LRP1: variants seen among roughly 807,000 people sequenced by gnomAD.
LRP1 encodes the protein prolow-density lipoprotein receptor-related protein 1.
LRP1 carries 51 observed loss-of-function variants against 541.5 expected under a neutral mutation model. The ratio of observed to expected loss-of-function variants is 0.09; its 90% CI spans 0.08 to 0.12. The LOEUF (loss-of-function observed/expected upper bound fraction) is 0.12, where lower values mean the gene tolerates loss of function less well. Ranked by LOEUF, LRP1 falls within the 10% of genes least tolerant of loss-of-function variation. The pLI, the probability that LRP1 is intolerant of heterozygous loss-of-function variation, is 1.00. For synonymous variants in LRP1, 2,219 were observed against 2,470.8 expected, an observed-to-expected ratio of 0.90 and a Z score of 3.02; for missense variants, 3,878 against 6,376.2, an observed-to-expected ratio of 0.61 and a Z score of 13.34.
rs1258317868 is a variant in LRP1, at chr12:57,212,469, A to T, written c.13549A>T (p.Ser4517Cys). ...YATLYMGGHG[S>C]RHSLASTDEK... is the part of the protein sequence containing the mutation. ...CACACTCTACATGGGGGGCCATGGC[A>T]GTCGCCACTCCCTGGCCAGCACGGA... Residue 4517 changes from serine (S) to cysteine (C), a missense_variant, in exon 89 of 89, where the codon AGT becomes TGT. By Grantham distance (112) the Ser-to-Cys change is moderately radical. Around this residue, in one of 13 missense-constraint regions of LRP1, gnomAD observed 871 missense variants for 1,212.4 expected, o/e 0.72. Transcript: ENST00000243077. The surrounding 1 kb of genome is among the most constrained non-coding windows in gnomAD (Gnocchi z 5.0). 6.2e-7 allele frequency: 1 copy of T among 1,613,978 alleles called. No homozygotes were observed. The highest frequency in any genetic ancestry group is 1.3e-5 in the African/African-American group (1 of 74,914).
chr12:57,136,387 T>A (rs1467412111), intron 1 of LRP1, among the ~76,000 whole-genome samples: 2 of 111,240 alleles, frequency 1.8e-5, no homozygotes, highest in African/African-American at 6.8e-5. Flanking sequence ...ACTCCCTCCC[T>A]CCTAAGAGCC....
In LRP1 at chr12:57,189,102, A is replaced by C. The variant is rs1352268497; in HGVS notation, c.7031+1646A>C. 6.6e-6 allele frequency among the ~76,000 whole-genome samples: 1 copy of C among 152,030 alleles called. No individual in the cohort carries two copies. Among genetic ancestry groups the C allele is most frequent in the African/African-American group, 2.4e-5 (1 of 41,428 alleles). On this transcript the variant is annotated intron_variant, in intron 42 of 88. Transcript: ENST00000243077. This position sits in a 1 kb window ranked among gnomAD's most constrained non-coding sequence, Gnocchi z 4.4. Reference sequence around the variant, plus strand: ...GGCCCTGTAGAGCTCACAGTAGGATAGTTAGAAGGTCCGCCATGTTCCTGG... The same window carrying C: ...GGCCCTGTAGAGCTCACAGTAGGATCGTTAGAAGGTCCGCCATGTTCCTGG...
At position 57,206,612 on chromosome 12, in the gene LRP1, G is replaced by A; in HGVS notation, c.11730G>A (p.Lys3910=). The change falls in exon 76 of 89, where the codon AAG becomes AAA. Residue 3910 remains lysine (K), a synonymous_variant. Transcript: ENST00000243077. The surrounding 1 kb of genome is among the most constrained non-coding windows in gnomAD (Gnocchi z 4.7). ...TTGATGCTATGGATGTCCATGTCAAGGCTGGCCGTGTCTATTGGACCAACT... is the reference window on the plus strand; with the variant it reads ...TTGATGCTATGGATGTCCATGTCAAAGCTGGCCGTGTCTATTGGACCAACT... ...VRIDAMDVHV[K]AGRVYWTNWH... is the part of the protein sequence containing the mutation. 1.2e-6 allele frequency: 2 copies of A among 1,614,178 alleles called. No homozygotes were observed. The highest frequency in any genetic ancestry group is 1.7e-6 in the Non-Finnish European group (2 of 1,180,050).
rs1283231788 is a variant in LRP1, at chr12:57,205,207, G to A, written c.11293G>A (p.Asp3765Asn). The change falls in exon 73 of 89, where the codon GAT becomes AAT. Residue 3765 changes from aspartate to asparagine, a missense_variant. Transcript: ENST00000243077. This position sits in a 1 kb window ranked among gnomAD's most constrained non-coding sequence, Gnocchi z 4.6. ...LSSSLRCNMF[D>N]DCGDGSDEED... ...CTCCTCCCTGCGCTGCAACATGTTC[G>A]ATGACTGCGGGGACGGCTCTGACGA... 5.6e-6 allele frequency: 9 copies of A among 1,613,756 alleles called. No individual in the cohort carries two copies. Among genetic ancestry groups the A allele is most frequent in the South Asian group, 2.2e-5 (2 of 91,092 alleles).
At chr12:57,163,450 G>T (rs547155486) in intron 15 of LRP1, among the ~76,000 whole-genome samples, 14 of 152,046 alleles carry the variant, frequency 9.2e-5, no homozygotes, top group African/African-American at 3.1e-4. Flanking sequence ...GTGGTGGCAG[G>T]TGCCTGTAAT....
rs1391396491 is a variant in LRP1, at chr12:57,154,592, C to T, written c.1118C>T (p.Thr373Met). The T allele has an allele frequency of 1.2e-6, 2 of 1,613,242 alleles. No homozygotes were observed. Among genetic ancestry groups the T allele is most frequent in the Non-Finnish European group, 1.7e-6 (2 of 1,179,596 alleles). ...DSKIVFPHGI[T>M]LDLVSRLVYW... is the part of the protein sequence containing the mutation. ...AAGATTGTGTTTCCTCATGGCATCACGCTGGACCTGGTCAGCCGCCTTGTC... is the reference window on the plus strand; with the variant it reads ...AAGATTGTGTTTCCTCATGGCATCATGCTGGACCTGGTCAGCCGCCTTGTC... Residue 373 changes from threonine (T) to methionine (M), a missense_variant, in exon 8 of 89, where the codon ACG becomes ATG. Around this residue, in one of 13 missense-constraint regions of LRP1, gnomAD observed 496 missense variants for 861.0 expected, o/e 0.58. Coordinates refer to ENST00000243077, the MANE Select transcript of LRP1 (RefSeq NM_002332.3). The surrounding 1 kb of genome is among the most constrained non-coding windows in gnomAD (Gnocchi z 4.6).
intron 34 of LRP1, 104 bp downstream of exon 34, chr12:57,181,395 A>C: frequency 7.1e-7 from 1 of 1,404,818 alleles, no homozygotes; most frequent in Non-Finnish European, 9.6e-7. Context: ...ACAAGACTAC[A>C]TTCGTCGTGT....
chr12:57,182,962 CAAAGAGG>C (rs377192596), intron 34 of LRP1, among the ~76,000 whole-genome samples: 261 of 152,264 alleles, frequency 1.7e-3, no homozygotes, highest in African/African-American at 6.1e-3. Flanking sequence ...AGAGGGAGGA[CAAAGAGG>C]AAACTAGGAT....
chr12:57,180,494 G>T lies in LRP1; in HGVS notation c.5386+15G>T. 6.2e-7 allele frequency: 1 copy of T among 1,613,664 alleles called. No individual in the cohort carries two copies. Among genetic ancestry groups the T allele is most frequent in the Admixed American group, 1.7e-5 (1 of 60,018 alleles). Reference sequence around the variant, plus strand: ...GGCCATCATGGGTGAGGGCTGCTGGGCGAAGCAGAGATGACGCAGAGCAGG... The same window carrying T: ...GGCCATCATGGGTGAGGGCTGCTGGTCGAAGCAGAGATGACGCAGAGCAGG... On this transcript the variant is annotated intron_variant, in intron 32 of 88. Coordinates refer to ENST00000243077, the MANE Select transcript of LRP1 (RefSeq NM_002332.3).
chr12:57,138,251 G>A (rs1172865161), intron 1 of LRP1, among the ~76,000 whole-genome samples: 1 of 151,926 alleles, frequency 6.6e-6, no homozygotes, highest in African/African-American at 2.4e-5. Context: ...ATGTGCTTCT[G>A]GATCCTCCCC....
intron 6 of LRP1, among the ~76,000 whole-genome samples, chr12:57,153,391 G>A (rs151144317): frequency 6.6e-6 from 1 of 152,212 alleles, no homozygotes; most frequent in African/African-American, 2.4e-5. Context: ...CTGAAACTGA[G>A]TCTAGGCAGC....
In LRP1 at chr12:57,195,655, C is replaced by T. The variant is rs765675673; in HGVS notation, c.8438-3C>T. On this transcript the variant is annotated splice_polypyrimidine_tract_variant and splice_region_variant and intron_variant, in intron 52 of 88. Coordinates refer to ENST00000243077, the MANE Select transcript of LRP1 (RefSeq NM_002332.3). The stretch of plus-strand genomic sequence containing the variant: ...GAAGGGCTGTGTCCACCTCTGTCCA[C>T]AGTGTACAACAGCACTTGTGACGAC... 6.2e-7 allele frequency: 1 copy of T among 1,613,974 alleles called. No homozygotes were observed. The highest frequency in any genetic ancestry group is 8.5e-7 in the Non-Finnish European group (1 of 1,180,028).
At chr12:57,157,885 A>T (rs1038037834) in intron 10 of LRP1, among the ~76,000 whole-genome samples, 1 of 152,228 alleles carries the variant, frequency 6.6e-6, no homozygotes, top group Non-Finnish European at 1.5e-5. Flanking sequence ...GGATTTTATT[A>T]TATCTGGGAT....
chr12:57,137,241 CAA>C (rs34702781), intron 1 of LRP1, among the ~76,000 whole-genome samples: 4 of 101,064 alleles, frequency 4.0e-5, no homozygotes, highest in Non-Finnish European at 3.9e-5. Context: ...AACTCTGTCT[CAA>C]AAAAAAAAAA....
At position 57,183,795 on chromosome 12, in the gene LRP1, G is replaced by T. The variant is rs1490002523; in HGVS notation, c.5815G>T (p.Val1939Leu). The T allele has an allele frequency of 6.2e-7, 1 of 1,613,948 alleles. No individual in the cohort carries two copies. The highest frequency in any genetic ancestry group is 1.3e-5 in the African/African-American group (1 of 74,926). Residue 1939 changes from valine (V) to leucine (L), a missense_variant, in exon 36 of 89, where the codon GTG (valine) becomes TTG (leucine). By Grantham distance (32) the Val-to-Leu change is conservative (BLOSUM62 1). Transcript: ENST00000243077. The surrounding 1 kb of genome is among the most constrained non-coding windows in gnomAD (Gnocchi z 6.1). ...TCCAGAAAATGACACCATCTACTGG[G>T]TGGACATGGGCCTGAGCACGATCAG... ...FHAENDTIYW[V>L]DMGLSTISRA...
rs909833999 is a variant in LRP1 at position 57,197,516 on chromosome 12, T to C, written c.9163-29T>C. On this transcript the variant is annotated intron_variant, in intron 57 of 88. Transcript: ENST00000243077. This position sits in a 1 kb window ranked among gnomAD's most constrained non-coding sequence, Gnocchi z 4.5. The stretch of plus-strand genomic sequence containing the variant: ...TGTGGCCCCTGTTGCCACAACCGAC[T>C]TCTGCTGTCCTTCACTCCCCAAATC... 1 of 1,613,666 alleles carries C rather than the reference T, an allele frequency of 6.2e-7. No individual in the cohort carries two copies. Among genetic ancestry groups the C allele is most frequent in the African/African-American group, 1.3e-5 (1 of 74,846 alleles).
intron 68 of LRP1, 84 bp downstream of exon 68, chr12:57,202,621 A>G: frequency 1.9e-6 from 2 of 1,032,410 alleles, no homozygotes; most frequent in Non-Finnish European, 2.8e-6. Flanking sequence ...AGGCCGCGCC[A>G]GAGCTGGTGG....
At chr12:57,159,638 G>A (rs2035688605) in intron 11 of LRP1, among the ~76,000 whole-genome samples, 187 bp from the exon 12 acceptor site, 1 of 152,150 alleles carries the variant, frequency 6.6e-6, no homozygotes, top group South Asian at 2.1e-4. Context: ...CAGCACACAG[G>A]GCTTTCCCCT....
chr12:57,159,172 C>T (rs1006433555), intron 11 of LRP1, among the ~76,000 whole-genome samples: 10 of 152,308 alleles, frequency 6.6e-5, no homozygotes, highest in Admixed American at 5.2e-4. Context: ...CTGAGCTGTA[C>T]GAGTTCTGCC....
Sources: allele counts gnomAD v4.1 joint callset (sites outside exome capture counted in the v4.1 genomes callset), GRCh38; gene constraint gnomAD v4.1.1; regional missense constraint gnomAD v4.1.1; non-coding constraint Gnocchi (gnomAD v3.1); transcripts MANE v1.5; gene names NCBI Gene and HGNC (gene_info 2026-07-23, HGNC 2026-07-21).